Variants in MAP4K1 observed in about 807,000 individuals in gnomAD.
The protein encoded by MAP4K1 is MAPK/ERK kinase kinase kinase 1.
Under a neutral mutation model 122.8 loss-of-function variants are expected in MAP4K1, and 35 were observed. The ratio of observed to expected loss-of-function variants is 0.29; its 90% CI spans 0.22 to 0.38. The LOEUF (loss-of-function observed/expected upper bound fraction) is 0.38. Among genes scored for constraint, MAP4K1 ranks in the 10% least tolerant of loss-of-function variants. The pLI is 1.00. For missense variants in MAP4K1, 791 were observed against 1,072.6 expected (o/e 0.74, Z 3.67); for synonymous variants, 412 against 421.3 (o/e 0.98, Z 0.27).
chr19:38,605,080 C>T (rs1242711028), intron 19 of MAP4K1, among the ~76,000 whole-genome samples: 2 of 147,008 alleles, frequency 1.4e-5, no homozygotes, highest in Non-Finnish European at 3.0e-5. Flanking sequence ...AGCAAAACTC[C>T]GTCTTTAAAA....
chr19:38,596,553 T>A, intron 25 of MAP4K1, 67 bp from the exon 26 acceptor site: 1 of 1,328,434 alleles, frequency 7.5e-7, no homozygotes, highest in South Asian at 1.5e-5. Flanking sequence ...GGGCGTGGCT[T>A]GTAGCTGGCC....
intron 3 of MAP4K1, among the ~76,000 whole-genome samples, chr19:38,616,831 G>T (rs892843305): frequency 6.6e-6 from 1 of 152,088 alleles, no homozygotes; most frequent in East Asian, 1.9e-4. Context: ...TAGATTAGAG[G>T]CTGCTCTGGT....
chr19:38,592,606 A>G (rs1393624603), intron 30 of MAP4K1: 1 of 150,220 alleles, frequency 6.7e-6, no homozygotes, highest in Non-Finnish European at 1.5e-5. Flanking sequence ...TTTATAAATA[A>G]AAGAATTAAA....
chr19:38,610,990 C>A, intron 11 of MAP4K1, 61 bp downstream of exon 11: 1 of 1,411,098 alleles, frequency 7.1e-7, no homozygotes, highest in East Asian at 2.4e-5. Flanking sequence ...TCCATGTCCT[C>A]GGGAGTTGTG....
chr19:38,603,345 TAC>T (rs1389253228), intron 19 of MAP4K1, among the ~76,000 whole-genome samples: 1 of 150,584 alleles, frequency 6.6e-6, no homozygotes, highest in African/African-American at 2.4e-5. Flanking sequence ...TATACATATA[TAC>T]ACATATACAT....
intron 8 of MAP4K1, among the ~76,000 whole-genome samples, 163 bp downstream of exon 8, chr19:38,613,717 G>A (rs1196338380): frequency 1.3e-5 from 2 of 151,330 alleles, no homozygotes; most frequent in Non-Finnish European, 2.9e-5. Context: ...AAAGAGAGAG[G>A]AAAATGGAAA....
chr19:38,605,184 G>C (rs1021022547), intron 19 of MAP4K1, among the ~76,000 whole-genome samples: 1 of 151,706 alleles, frequency 6.6e-6, no homozygotes, highest in African/African-American at 2.4e-5. Flanking sequence ...CCCTCTCTGT[G>C]CTTCAATTTC....
At chr19:38,609,025 G>A (rs1281564926) in intron 13 of MAP4K1, among the ~76,000 whole-genome samples, 2 of 151,998 alleles carry the variant, frequency 1.3e-5, no homozygotes, top group Non-Finnish European at 2.9e-5. Context: ...GGAAGTTGGG[G>A]GCTCAATGTA....
chr19:38,603,086 G>C (rs62647697), intron 19 of MAP4K1, among the ~76,000 whole-genome samples: 3 of 61,546 alleles, frequency 4.9e-5, no homozygotes, highest in Admixed American at 3.3e-4. Flanking sequence ...ATATACACAT[G>C]TACATATATA....
chr19:38,616,146 G>A lies in MAP4K1; in HGVS notation c.313+49C>T, dbSNP rs751580099. ...AGAGGTGAATTTGGGTCGGGGTTGGGGGGTGGGGATAGGGAGGGGTGCTTG... is the reference window on the plus strand; with the variant it reads ...AGAGGTGAATTTGGGTCGGGGTTGGAGGGTGGGGATAGGGAGGGGTGCTTG... On this transcript the variant is annotated intron_variant, in intron 4 of 30. Coordinates refer to ENST00000396857, the MANE Select transcript of MAP4K1 (RefSeq NM_001042600.3). 6.1e-6 allele frequency: 9 copies of A among 1,465,976 alleles called. No homozygotes were observed. In the Admixed American group the frequency reaches 7.4e-5, roughly 12 times the overall value. The allele number at this position is 1,465,976 out of a possible 1,614,324, so 90.8% of individuals were successfully genotyped here. A position where few individuals can be genotyped will look rare whatever the true frequency, so the allele number is the denominator to read the frequency against.
chr19:38,605,161 G>C (rs1021168325), intron 19 of MAP4K1, among the ~76,000 whole-genome samples: 1 of 151,486 alleles, frequency 6.6e-6, no homozygotes, highest in African/African-American at 2.4e-5. Flanking sequence ...TATGACCTTG[G>C]GTAAGCCACT....
In MAP4K1 at chr19:38,614,083, TC is replaced by T; in HGVS notation, c.419del (p.Gly140GlufsTer49). 1 of 1,611,538 alleles carries T rather than the reference TC, an allele frequency of 6.2e-7. No homozygotes were observed. The highest frequency in any genetic ancestry group is 8.5e-7 in the Non-Finnish European group (1 of 1,179,688). ...CAGCATCATTGATGAGGATGTTAGC[TC>T]CCTGGGAATGAGAGGGGATATGGGA... ...SQKKIHRDIK[G>X]ANILINDAGE... On this transcript the variant is annotated frameshift_variant and splice_region_variant, in exon 7 of 31. Transcript: ENST00000396857. LOFTEE classifies it high-confidence loss of function.
chr19:38,608,377 G>A (rs1051279579), intron 13 of MAP4K1, among the ~76,000 whole-genome samples: 7 of 152,124 alleles, frequency 4.6e-5, no homozygotes, highest in African/African-American at 1.7e-4. Context: ...TCAAGACCAG[G>A]TGCAGTGGCT....
Position 38,597,493 on chromosome 19 carries a change from G to A in MAP4K1, c.1771C>T (p.Leu591=). 1 of 1,614,092 alleles carries A rather than the reference G, an allele frequency of 6.2e-7. No individual in the cohort carries two copies. The highest frequency in any genetic ancestry group is 8.5e-7 in the Non-Finnish European group (1 of 1,179,980). ...PIAHISPHRL[L]ARKNMVSTKI... ...TTCATTGGGAGCTGGTACCTTGCCA[G>A]TAGGCGGTGGGGGCTAATGTGAGCG... Residue 591 remains leucine (L), a synonymous_variant, in exon 23 of 31, where the codon CTG becomes TTG. Coordinates refer to ENST00000396857, the MANE Select transcript of MAP4K1 (RefSeq NM_001042600.3). This position sits in a 1 kb window ranked among gnomAD's most constrained non-coding sequence, Gnocchi z 4.6.
chr19:38,611,792 GAATT>G (rs1047198321), intron 9 of MAP4K1, among the ~76,000 whole-genome samples: 6 of 148,656 alleles, frequency 4.0e-5, no homozygotes, highest in Non-Finnish European at 6.0e-5. Context: ...AAAATAATAA[GAATT>G]AATTAATTAA....
intron 30 of MAP4K1, among the ~76,000 whole-genome samples, chr19:38,591,463 A>G (rs7255741): frequency 0.093 from 13,798 of 147,600 alleles, 2,061 homozygotes; most frequent in African/African-American, 0.32. Flanking sequence ...CCCGGGAGGC[A>G]GAGGTTGCAG....
intron 4 of MAP4K1, among the ~76,000 whole-genome samples, chr19:38,615,753 A>G (rs1599722351): frequency 6.6e-6 from 1 of 152,036 alleles, no homozygotes; most frequent in Non-Finnish European, 1.5e-5. Context: ...CGCCTCCCAG[A>G]ATCAAACGAT....
intron 19 of MAP4K1, among the ~76,000 whole-genome samples, chr19:38,602,647 T>C (rs559097672): frequency 4.7e-4 from 64 of 137,062 alleles, no homozygotes; most frequent in African/African-American, 1.8e-3. Context: ...CACCTATACA[T>C]ATATACATAT....
Position 38,610,094 on chromosome 19 carries a change from A to AGGGCTGGTGT in MAP4K1, c.811-70_811-69insACACCAGCCC, listed in dbSNP as rs1323869191. 930 of 1,146,810 alleles carry AGGGCTGGTGT rather than the reference A, an allele frequency of 8.1e-4. 6 individuals are homozygous for AGGGCTGGTGT. In the African/African-American group the frequency reaches 0.013, roughly 16 times the overall value. 71.0% of individuals were successfully genotyped at this position (1,146,810 alleles called of 1,614,324 possible). On this transcript the variant is annotated intron_variant, in intron 11 of 30. Transcript: ENST00000396857. ...ACAGAGAGGGCTGGTGTGGACAGAG[A>AGGGCTGGTGT]GGACTGGTACAGGGCCTTGGGGACT...
Sources: allele counts gnomAD v4.1 joint callset (sites outside exome capture counted in the v4.1 genomes callset), GRCh38; gene constraint gnomAD v4.1.1; non-coding constraint Gnocchi (gnomAD v3.1); transcripts MANE v1.5; gene names NCBI Gene and HGNC (gene_info 2026-07-23, HGNC 2026-07-21).